The following PXDNL variants were observed in gnomAD, a reference collection of about 807,000 sequenced individuals.
PXDNL encodes the protein probable oxidoreductase PXDNL.
In PXDNL, 145 loss-of-function variants were observed where a neutral mutation model predicts 150.8. The ratio of observed to expected loss-of-function variants is 0.96; its 90% CI spans 0.84 to 1.10. The LOEUF is 1.10. Among genes scored for constraint, PXDNL ranks in the 50% least tolerant of loss-of-function variants. The pLI is 0.00. For missense variants in PXDNL, 2,087 were observed against 1,873.9 expected, an observed-to-expected ratio of 1.11 and a Z score of -2.10; for synonymous variants, 757 against 725.7, an observed-to-expected ratio of 1.04 and a Z score of -0.69.
At chr8:51,323,935 TAAAATAAAAAAATAAAAAAA>T (rs1805405887) in intron 21 of PXDNL, among the ~76,000 whole-genome samples, 1 of 132,218 alleles carries the variant, frequency 7.6e-6, no homozygotes, top group African/African-American at 3.4e-5. Flanking sequence ...TAAAATAAAA[TAAAATAAAAAAATAAAAAAA>T]AAAAGAATCT....
intron 17 of PXDNL, among the ~76,000 whole-genome samples, chr8:51,405,659 C>T (rs185078287): frequency 6.6e-6 from 1 of 152,128 alleles, no homozygotes; most frequent in African/African-American, 2.4e-5. Flanking sequence ...GAGAACTGAC[C>T]GTAAAAACCA....
chr8:51,609,628 T>C (rs984462757), intron 2 of PXDNL, among the ~76,000 whole-genome samples: 6 of 152,086 alleles, frequency 3.9e-5, no homozygotes, highest in African/African-American at 1.4e-4. Flanking sequence ...CACACATAGA[T>C]GGACAAATGC....
chr8:51,563,407 G>T (rs1425516208), intron 3 of PXDNL, among the ~76,000 whole-genome samples: 1 of 151,850 alleles, frequency 6.6e-6, no homozygotes. Context: ...CCATACAGGG[G>T]CTCCACACTC....
At chr8:51,708,531 G>A (rs935283429) in intron 1 of PXDNL, among the ~76,000 whole-genome samples, 6 of 152,202 alleles carry the variant, frequency 3.9e-5, no homozygotes, top group East Asian at 1.9e-4. Flanking sequence ...AATTGCCATT[G>A]CAGAGAAGTG....
chr8:51,323,868 A>G (rs1351359964), intron 21 of PXDNL, among the ~76,000 whole-genome samples: 1 of 151,872 alleles, frequency 6.6e-6, no homozygotes, highest in African/African-American at 2.4e-5. Context: ...GTGAGCCAAG[A>G]TCATGCCATT....
rs554368028 is a variant in PXDNL, at chr8:51,349,177, G to C, written c.3902-3230C>G. Among the ~76,000 whole-genome samples the C allele has an allele frequency of 5.7e-3, 276 of 48,014 alleles. 2 individuals carry two copies. Among genetic ancestry groups the C allele is most frequent in the African/African-American group, 9.2e-3 (266 of 28,788 alleles). The allele number at this position is 48,014 out of a possible 152,430, so 31.5% of individuals were successfully genotyped here. A position where few individuals can be genotyped will look rare whatever the true frequency, so the allele number is the denominator to read the frequency against. The stretch of plus-strand genomic sequence containing the variant: ...ACGGTGGGTGGGTGTGTGTGTGGGG[G>C]TGTGTGTGTGTGTGTGAATCTTCCC... On this transcript the variant is annotated intron_variant, in intron 19 of 22. Transcript: ENST00000356297.
At chr8:51,452,129 T>A (rs16916315) in intron 10 of PXDNL, among the ~76,000 whole-genome samples, 3 of 152,124 alleles carry the variant, frequency 2.0e-5, no homozygotes, top group African/African-American at 7.2e-5. Context: ...CCTAGCACAG[T>A]GTGGAATACA....
At chr8:51,468,687 C>T (rs2130074244) in intron 8 of PXDNL, among the ~76,000 whole-genome samples, 1 of 151,910 alleles carries the variant, frequency 6.6e-6, no homozygotes, top group Middle Eastern at 3.4e-3. Context: ...ATCCAGTTTT[C>T]TTTATCCACT....
intron 3 of PXDNL, among the ~76,000 whole-genome samples, chr8:51,581,493 C>CTAAATAAATAAA (rs549807763): frequency 7.0e-6 from 1 of 143,790 alleles, no homozygotes; most frequent in African/African-American, 2.9e-5. Flanking sequence ...GACCCTGTCT[C>CTAAATAAATAAA]TAAATAAATA....
intron 21 of PXDNL, among the ~76,000 whole-genome samples, chr8:51,323,217 C>T (rs868259056): frequency 5.3e-5 from 8 of 152,114 alleles, no homozygotes; most frequent in Non-Finnish European, 1.0e-4. Flanking sequence ...GACAGTAAAG[C>T]TTTTTCAAAT....
At chr8:51,626,050 T>C (rs1434982196) in intron 2 of PXDNL, among the ~76,000 whole-genome samples, 1 of 152,248 alleles carries the variant, frequency 6.6e-6, no homozygotes, top group East Asian at 1.9e-4. Flanking sequence ...ACAAAAAATG[T>C]AATTTTAGAA....
At chr8:51,782,385 TC>T (rs1320401830) in intron 1 of PXDNL, among the ~76,000 whole-genome samples, 2 of 152,144 alleles carry the variant, frequency 1.3e-5, no homozygotes, top group Non-Finnish European at 2.9e-5. Flanking sequence ...AAGTGTTGAA[TC>T]CTTAAATATC....
rs573902191 is a variant in PXDNL, at chr8:51,447,064, G to A, written c.1465C>T (p.Gln489Ter). The change falls in exon 12 of 23, where the codon CAA (glutamine) becomes TAA (stop). Residue 489 changes from glutamine to a stop codon, truncating the protein, a stop_gained. Transcript: ENST00000356297. LOFTEE classifies it high-confidence loss of function. ...AQHDQGQYEC[Q>*]AVSSLGVKKV... Reference sequence around the variant, plus strand: ...TTCACCCCCAACGAACTGACTGCTTGACATTCATATTGGCCTTGATCGTGC... The same window carrying A: ...TTCACCCCCAACGAACTGACTGCTTAACATTCATATTGGCCTTGATCGTGC... The A allele has an allele frequency of 6.2e-7, 1 of 1,613,982 alleles. No individual in the cohort carries two copies. The highest frequency in any genetic ancestry group is 2.2e-5 in the East Asian group (1 of 44,876).
At chr8:51,505,532 A>G (rs1322206634) in intron 4 of PXDNL, among the ~76,000 whole-genome samples, 3 of 152,220 alleles carry the variant, frequency 2.0e-5, no homozygotes, top group African/African-American at 4.8e-5. Flanking sequence ...TTTTTGTACA[A>G]AGTGGCTGCT....
intron 19 of PXDNL, among the ~76,000 whole-genome samples, chr8:51,350,302 C>A (rs78651703): frequency 0.027 from 3,999 of 149,666 alleles, 99 homozygotes; most frequent in African/African-American, 0.059. Context: ...TTTAGATAAC[C>A]TAGGAAAAGA....
intron 1 of PXDNL, among the ~76,000 whole-genome samples, chr8:51,660,178 C>T (rs1161635359): frequency 5.5e-5 from 6 of 109,688 alleles, no homozygotes; most frequent in African/African-American, 1.8e-4. Context: ...GCATGAGCCA[C>T]CGCGCCCAGC....
intron 4 of PXDNL, among the ~76,000 whole-genome samples, chr8:51,545,749 A>G (rs1249562065): frequency 1.3e-5 from 2 of 152,224 alleles, no homozygotes; most frequent in African/African-American, 2.4e-5. Flanking sequence ...GCATTAATCT[A>G]TTCATGAGGG....
intron 4 of PXDNL, among the ~76,000 whole-genome samples, chr8:51,542,926 T>A (rs541292357): frequency 6.6e-6 from 1 of 152,310 alleles, no homozygotes; most frequent in East Asian, 1.9e-4. Context: ...AAGTTAATTA[T>A]GTATTTTAAA....
At chr8:51,665,178 C>A (rs1433660863) in intron 1 of PXDNL, among the ~76,000 whole-genome samples, 3 of 152,172 alleles carry the variant, frequency 2.0e-5, no homozygotes, top group African/African-American at 7.2e-5. Context: ...CTGGGAACCC[C>A]TGTGCTCCCC....
Sources: gnomAD v4.1 joint callset for allele counts (sites outside exome capture counted in the v4.1 genomes callset) on GRCh38, gnomAD v4.1.1 for gene constraint, MANE v1.5 for transcripts, NCBI Gene and HGNC (gene_info 2026-07-23, HGNC 2026-07-21) for gene names.